Variants in PRELID2 observed in about 807,000 individuals in gnomAD.
PRELID2 encodes the protein PRELI domain-containing protein 2.
In PRELID2, 25 loss-of-function variants were observed where a neutral mutation model predicts 28.4. The observed-to-expected ratio is 0.88, with a 90% CI of 0.64 to 1.23. The LOEUF is 1.23. PRELID2 is among the 50% of genes most tolerant of loss of function. The probability of loss-of-function intolerance (pLI) is 0.00; values close to 1 mark genes in which losing one functional copy is unlikely to be tolerated. For synonymous variants in PRELID2, 76 were observed against 71.6 expected, an observed-to-expected ratio of 1.06 and a Z score of -0.31; for missense variants, 201 against 214.4, an observed-to-expected ratio of 0.94 and a Z score of 0.39.
chr5:145,832,768 A>ACACAC (rs1009811134), intron 1 of PRELID2, among the ~76,000 whole-genome samples: 10 of 151,994 alleles, frequency 6.6e-5, no homozygotes, highest in South Asian at 4.2e-4. Flanking sequence ...GCGCACATAC[A>ACACAC]CACACCACAC....
At chr5:145,300,245 C>T in the PRELID2 span, among the ~76,000 whole-genome samples, 26 of 152,160 alleles carry the variant, frequency 1.7e-4, no homozygotes, top group African/African-American at 6.3e-4. Flanking sequence ...TAAAACAAAA[C>T]GTCTCAGGCT....
At chr5:145,295,912 G>T in the PRELID2 span, among the ~76,000 whole-genome samples, 5 of 152,024 alleles carry the variant, frequency 3.3e-5, no homozygotes, top group Admixed American at 3.3e-4. Flanking sequence ...AAGTGAATTA[G>T]GACTTAGGAA....
intron 1 of PRELID2, among the ~76,000 whole-genome samples, chr5:145,648,564 C>T (rs1051165338): frequency 5.3e-5 from 8 of 151,314 alleles, no homozygotes; most frequent in Non-Finnish European, 8.9e-5. Flanking sequence ...TTTTTTCTCT[C>T]TGCTATTAAG....
intron 1 of PRELID2, among the ~76,000 whole-genome samples, chr5:145,525,210 G>T (rs1034954501): frequency 6.6e-6 from 1 of 152,116 alleles, no homozygotes; most frequent in African/African-American, 2.4e-5. Flanking sequence ...TGAGTGACAG[G>T]CAGAAATAGA....
At chr5:145,277,316 A>G in the PRELID2 span, among the ~76,000 whole-genome samples, 1 of 152,198 alleles carries the variant, frequency 6.6e-6, no homozygotes, top group Non-Finnish European at 1.5e-5. Context: ...TATCTAATCT[A>G]TTAGATCTCA....
intron 1 of PRELID2, chr5:145,728,622 T>C (rs536974601): frequency 1.8e-6 from 2 of 1,120,250 alleles, no homozygotes; most frequent in South Asian, 1.3e-5. Context: ...TGTAACATTA[T>C]AGACTCCATA....
At chr5:145,678,283 T>C (rs967385124) in intron 1 of PRELID2, among the ~76,000 whole-genome samples, 1 of 152,224 alleles carries the variant, frequency 6.6e-6, no homozygotes, top group African/African-American at 2.4e-5. Flanking sequence ...ACTACCTCCC[T>C]GTCCCATGCC....
intron 4 of PRELID2, among the ~76,000 whole-genome samples, chr5:145,815,133 A>T (rs190920785): frequency 6.6e-6 from 1 of 152,200 alleles, no homozygotes; most frequent in African/African-American, 2.4e-5. Flanking sequence ...TGGTGTCCTT[A>T]TAAAAAGAAA....
chr5:145,544,609 G>A (rs544027872), intron 1 of PRELID2, among the ~76,000 whole-genome samples: 1 of 152,158 alleles, frequency 6.6e-6, no homozygotes, highest in Non-Finnish European at 1.5e-5. Flanking sequence ...AGTGTCTGAG[G>A]GACCAGCTGG....
At chr5:145,583,592 G>C (rs1049322930) in intron 1 of PRELID2, among the ~76,000 whole-genome samples, 1 of 152,128 alleles carries the variant, frequency 6.6e-6, no homozygotes, top group Non-Finnish European at 1.5e-5. Context: ...CTTAGGTAAA[G>C]TCTCAGGATA....
At chr5:145,420,052 A>G in the PRELID2 span, among the ~76,000 whole-genome samples, 104,502 of 150,020 alleles carry the variant, frequency 0.7, 36,827 homozygotes, top group Admixed American at 0.73. Context: ...GATATGCGGC[A>G]TTATTTCTGA....
chr5:145,424,893 T>C, the PRELID2 span, among the ~76,000 whole-genome samples: 2 of 152,106 alleles, frequency 1.3e-5, no homozygotes, highest in African/African-American at 2.4e-5. Flanking sequence ...CCAAAAGCAA[T>C]TGCAACAGAA....
the PRELID2 span, among the ~76,000 whole-genome samples, chr5:145,255,904 T>C: frequency 1.3e-5 from 2 of 151,296 alleles, no homozygotes; most frequent in African/African-American, 2.4e-5. Flanking sequence ...CCAGAATACA[T>C]AAAGAAAGAG....
At chr5:145,642,284 C>A (rs1211353243) in intron 1 of PRELID2, among the ~76,000 whole-genome samples, 1 of 152,108 alleles carries the variant, frequency 6.6e-6, no homozygotes, top group Non-Finnish European at 1.5e-5. Flanking sequence ...AGGTTTTTTT[C>A]ATTTGCTTAT....
chr5:145,742,042 T>C (rs1240352661), intron 1 of PRELID2, among the ~76,000 whole-genome samples: 2 of 127,568 alleles, frequency 1.6e-5, no homozygotes, highest in Non-Finnish European at 3.1e-5. Context: ...TCATTAATAA[T>C]AAATAAATTT....
chr5:145,615,243 C>A (rs1193360964), intron 1 of PRELID2, among the ~76,000 whole-genome samples: 1 of 151,702 alleles, frequency 6.6e-6, no homozygotes. Flanking sequence ...CGCTTTTGGT[C>A]TCCATTTGTA....
chr5:145,383,958 A>G, the PRELID2 span, among the ~76,000 whole-genome samples: 2 of 152,186 alleles, frequency 1.3e-5, no homozygotes, highest in African/African-American at 4.8e-5. Flanking sequence ...TACATAATAC[A>G]TTTTTACAAA....
chr5:145,337,987 A>G, the PRELID2 span: 2 of 152,070 alleles, frequency 1.3e-5, no homozygotes, highest in Non-Finnish European at 2.9e-5. Context: ...ATTTCAATAA[A>G]GCTGGAGGGA....
At chr5:145,741,103 T>C (rs1431864748) in intron 1 of PRELID2, among the ~76,000 whole-genome samples, 3 of 118,094 alleles carry the variant, frequency 2.5e-5, no homozygotes, top group African/African-American at 1.0e-4. Context: ...ACATATTTTA[T>C]GCTTTACATA....
Sources: gnomAD v4.1 joint callset for allele counts (sites outside exome capture counted in the v4.1 genomes callset) on GRCh38, gnomAD v4.1.1 for gene constraint, MANE v1.5 for transcripts, NCBI Gene and HGNC (gene_info 2026-07-23, HGNC 2026-07-21) for gene names.